Variants in CLSTN3 observed in about 807,000 individuals in gnomAD.
CLSTN3 encodes the protein calsyntenin 3.
A neutral mutation model predicts 95.9 loss-of-function variants in CLSTN3; 36 were observed. The observed-to-expected ratio is 0.38, with a 90% CI of 0.29 to 0.50. CLSTN3 has a LOEUF of 0.50. Among genes scored for constraint, CLSTN3 ranks in the 20% least tolerant of loss-of-function variants. CLSTN3 has a pLI of 0.95. For synonymous variants in CLSTN3, 481 were observed against 504.0 expected, an observed-to-expected ratio of 0.95 and a Z score of 0.61; for missense variants, 1,084 against 1,268.8, an observed-to-expected ratio of 0.85 and a Z score of 2.21.
At position 7,142,858 on chromosome 12, in the gene CLSTN3, T is replaced by G; in HGVS notation, c.1541-11T>G. On this transcript the variant is annotated splice_polypyrimidine_tract_variant and intron_variant, in intron 10 of 17. Coordinates refer to ENST00000266546, the MANE Select transcript of CLSTN3 (RefSeq NM_014718.4). The stretch of plus-strand genomic sequence containing the variant: ...CTCACCTCCCGTCCTGCTCCTGTGT[T>G]CCTACCCTAGGAGACCCTTTGTCGA... 6.2e-7 allele frequency: 1 copy of G among 1,613,848 alleles called. No homozygotes were observed. Among genetic ancestry groups the G allele is most frequent in the Non-Finnish European group, 8.5e-7 (1 of 1,179,850 alleles).
At position 7,141,363 on chromosome 12, in the gene CLSTN3, C is replaced by A; in HGVS notation, c.1445C>A (p.Pro482His). ...LIHDNGLIHPPRREPALMIGA... is the reference protein window; with the variant it reads ...LIHDNGLIHPHRREPALMIGA... ...CATGACAATGGCCTCATCCACCCAC[C>A]CCGAAGGGAGCCTGCTCTCATGATT... The change falls in exon 9 of 18, where the codon CCC becomes CAC. Residue 482 changes from proline to histidine, a missense_variant. Transcript: ENST00000266546. The surrounding 1 kb of genome is among the most constrained non-coding windows in gnomAD (Gnocchi z 4.1). 6.2e-7 allele frequency: 1 copy of A among 1,614,210 alleles called. No individual in the cohort carries two copies. The highest frequency in any genetic ancestry group is 8.5e-7 in the Non-Finnish European group (1 of 1,180,038).
In CLSTN3 at chr12:7,149,198, G is replaced by A; in HGVS notation, c.2074G>A (p.Val692Met). ...AKKDESWQGT[V>M]TDTRMSDEIV... ...AAAGGATGAGAGTTGGCAGGGCACA[G>A]GTAAGGACGACTTCGGGGAGTAACA... Residue 692 changes from valine (V) to methionine (M), a missense_variant and splice_region_variant, in exon 13 of 18, where the codon GTG (valine) becomes ATG (methionine). Coordinates refer to ENST00000266546, the MANE Select transcript of CLSTN3 (RefSeq NM_014718.4). This position sits in a 1 kb window ranked among gnomAD's most constrained non-coding sequence, Gnocchi z 4.5. 1 of 1,613,422 alleles carries A rather than the reference G, an allele frequency of 6.2e-7. No individual in the cohort carries two copies. The highest frequency in any genetic ancestry group is 8.5e-7 in the Non-Finnish European group (1 of 1,179,500).
At position 7,157,607 on chromosome 12, in the gene CLSTN3, G is replaced by T. The variant is rs748717236; in HGVS notation, c.2646G>T (p.Gly882=). The T allele has an allele frequency of 1.2e-6, 2 of 1,611,050 alleles. No homozygotes were observed. The highest frequency in any genetic ancestry group is 2.2e-5 in the East Asian group (1 of 44,786). Residue 882 remains glycine, a synonymous_variant, in exon 17 of 18, where the codon GGG becomes GGT. Transcript: ENST00000266546. This position sits in a 1 kb window ranked among gnomAD's most constrained non-coding sequence, Gnocchi z 5.9. ...ACCGCCGCGTCTCAGGGGCCGGCGG[G>T]CCTCCAGGGGCCTCCAGTGACCCCA... The part of the protein sequence containing the change: ...SLHRRVSGAG[G]PPGASSDPKD...
chr12:7,152,746 T>C (rs1939745266), intron 16 of CLSTN3, among the ~76,000 whole-genome samples: 1 of 152,178 alleles, frequency 6.6e-6, no homozygotes, highest in Admixed American at 6.5e-5. Flanking sequence ...AAACAACCAA[T>C]GAAATGGGTA....
At position 7,135,998 on chromosome 12, in the gene CLSTN3, C is replaced by T. The variant is rs779748497; in HGVS notation, c.742+45C>T. 7.7e-6 allele frequency: 12 copies of T among 1,560,410 alleles called. No homozygotes were observed. The East Asian group carries it at 2.7e-4, about 35-fold the overall frequency. ...CCCCATCTTGTGAATCATCTTTTTTCTTGGTCTCTCTTTCTGTCCTTTCTG... is the reference window on the plus strand; with the variant it reads ...CCCCATCTTGTGAATCATCTTTTTTTTTGGTCTCTCTTTCTGTCCTTTCTG... On this transcript the variant is annotated intron_variant, in intron 5 of 17. Transcript: ENST00000266546.
rs114573567 is a variant in CLSTN3 at position 7,143,276 on chromosome 12, C to T, written c.1812C>T (p.Pro604=). 3.1e-3 allele frequency: 5,008 copies of T among 1,611,992 alleles called. 125 individuals carry two copies. In the African/African-American group the frequency reaches 0.055, roughly 18 times the overall value. ...TGAACACTCTGCGCTTTGCCACGCC[C>T]GGCGTCAGGCCCCTGCGCCTCACCA... ...AYMNTLRFAT[P]GVRPLRLTTA... is the part of the protein sequence containing the mutation. The change falls in exon 12 of 18, where the codon CCC becomes CCT. Residue 604 remains proline, a synonymous_variant. Coordinates refer to ENST00000266546, the MANE Select transcript of CLSTN3 (RefSeq NM_014718.4).
rs1477138082 is a variant in CLSTN3 at position 7,137,781 on chromosome 12, TGTGTGTGTGTGTGTGA to T, written c.1211-172_1211-157del. ...ATGTGTGTGTGTGTGTGTGTGTGTG[TGTGTGTGTGTGTGTGA>T]GAGAGAGAGAGAGAGAGAGAGAGAG... On this transcript the variant is annotated intron_variant, in intron 7 of 17. Transcript: ENST00000266546. This position sits in a 1 kb window ranked among gnomAD's most constrained non-coding sequence, Gnocchi z 4.4. Among the ~76,000 whole-genome samples, 152 of 109,156 alleles carry T rather than the reference TGTGTGTGTGTGTGTGA, an allele frequency of 1.4e-3. 1 individual carries two copies. The highest frequency in any genetic ancestry group is 4.0e-3 in the African/African-American group (135 of 33,346). The allele number at this position is 109,156 out of a possible 152,430, so 71.6% of individuals were successfully genotyped here. A position where few individuals can be genotyped will look rare whatever the true frequency, so the allele number is the denominator to read the frequency against.
chr12:7,147,757 C>G (rs1370202538), intron 12 of CLSTN3, among the ~76,000 whole-genome samples: 1 of 152,042 alleles, frequency 6.6e-6, no homozygotes, highest in Non-Finnish European at 1.5e-5. Context: ...TCAAGGGATC[C>G]TCCCGCCTCA....
At position 7,158,252 on chromosome 12, in the gene CLSTN3, C is replaced by A; in HGVS notation, c.*171C>A. 1.4e-6 allele frequency: 1 copy of A among 711,188 alleles called. No individual in the cohort carries two copies. The highest frequency in any genetic ancestry group is 2.2e-6 in the Non-Finnish European group (1 of 456,684). The allele number at this position is 711,188 out of a possible 1,614,324, so 44.1% of individuals were successfully genotyped here. A position where few individuals can be genotyped will look rare whatever the true frequency, so the allele number is the denominator to read the frequency against. ...CGGGCCCTCTGGAGTCCGCCCTGCC[C>A]CTCCCCCGGCCCCCCATCCCTCACT... is the stretch of plus-strand genomic sequence containing the variant. On this transcript the variant is annotated 3_prime_UTR_variant, in exon 18 of 18. Coordinates refer to ENST00000266546, the MANE Select transcript of CLSTN3 (RefSeq NM_014718.4).
Position 7,149,316 on chromosome 12 carries a change from C to T in CLSTN3, c.2074+118C>T. The T allele has an allele frequency of 3.0e-6, 3 of 1,002,864 alleles. No individual in the cohort carries two copies. In the Middle Eastern group the frequency reaches 6.8e-4, roughly 226 times the overall value. The allele number at this position is 1,002,864 out of a possible 1,614,324, so 62.1% of individuals were successfully genotyped here. A position where few individuals can be genotyped will look rare whatever the true frequency, so the allele number is the denominator to read the frequency against. ...GCGACTCCATCCTGTGTTTGTTTGA[C>T]TGAACAACTTACCTTTAAGAAGGAG... On this transcript the variant is annotated intron_variant, in intron 13 of 17. Transcript: ENST00000266546. The surrounding 1 kb of genome is among the most constrained non-coding windows in gnomAD (Gnocchi z 4.5).
chr12:7,157,815 G>T lies in CLSTN3; in HGVS notation c.2730+124G>T. On this transcript the variant is annotated intron_variant, in intron 17 of 17. Transcript: ENST00000266546. The surrounding 1 kb of genome is among the most constrained non-coding windows in gnomAD (Gnocchi z 5.9). ...GCAGAGCTGCAGTGAGCCGGAGGGA[G>T]AGAGGTTCAGGCAGGGAAGGGGGTA... The T allele has an allele frequency of 6.7e-7, 1 of 1,494,906 alleles. No individual in the cohort carries two copies. Among genetic ancestry groups the T allele is most frequent in the African/African-American group, 1.4e-5 (1 of 72,270 alleles). The allele number at this position is 1,494,906 out of a possible 1,614,324, so 92.6% of individuals were successfully genotyped here.
In CLSTN3 at chr12:7,148,206, AAG is replaced by A. The variant is rs199646806; in HGVS notation, c.1848-764_1848-763del. 3.6e-3 allele frequency among the ~76,000 whole-genome samples: 509 copies of A among 140,958 alleles called. 1 individual carries two copies. Among genetic ancestry groups the A allele is most frequent in the Non-Finnish European group, 5.8e-3 (372 of 63,690 alleles). The allele number at this position is 140,958 out of a possible 152,430, so 92.5% of individuals were successfully genotyped here. ...AAAGAAAGAAAGAAAGAAAGAAAGA[AAG>A]AAAGAAATGTGGGAAAATGCTTCAT... On this transcript the variant is annotated intron_variant, in intron 12 of 17. Coordinates refer to ENST00000266546, the MANE Select transcript of CLSTN3 (RefSeq NM_014718.4).
intron 1 of CLSTN3, 72 bp downstream of exon 1, chr12:7,130,784 G>A: frequency 7.4e-7 from 1 of 1,356,778 alleles, no homozygotes; most frequent in South Asian, 1.2e-5. Flanking sequence ...GGGTGGGAAG[G>A]AGGTGTCGAG....
intron 6 of CLSTN3, 70 bp downstream of exon 6, chr12:7,136,461 A>G: frequency 7.2e-7 from 1 of 1,383,634 alleles, no homozygotes; most frequent in Non-Finnish European, 9.7e-7. Flanking sequence ...CTTTTCCAAG[A>G]CTCTGCTTTA....
chr12:7,155,106 G>A (rs1334243198), intron 16 of CLSTN3, among the ~76,000 whole-genome samples: 1 of 152,176 alleles, frequency 6.6e-6, no homozygotes, highest in South Asian at 2.1e-4. Context: ...GCTTTCCACT[G>A]TCCTCGCAAT....
At chr12:7,154,274 GCA>G (rs1939780352) in intron 16 of CLSTN3, among the ~76,000 whole-genome samples, 1 of 152,194 alleles carries the variant, frequency 6.6e-6, no homozygotes, top group African/African-American at 2.4e-5. Context: ...ACATGCAGAA[GCA>G]GTGAGAGGTA....
At chr12:7,152,250 T>C (rs189395796) in intron 16 of CLSTN3, among the ~76,000 whole-genome samples, 1 of 152,324 alleles carries the variant, frequency 6.6e-6, no homozygotes, top group Admixed American at 6.5e-5. Flanking sequence ...ACAAGTATTT[T>C]CCCACATTAT....
chr12:7,144,839 C>G lies in CLSTN3; in HGVS notation c.1847+1528C>G, dbSNP rs748924146. 4.2e-4 allele frequency among the ~76,000 whole-genome samples: 64 copies of G among 152,252 alleles called. No individual in the cohort carries two copies. The South Asian group carries it at 8.5e-3, about 20-fold the overall frequency. ...TCACAGTTAGAGCTGTGGAAGGCCC[C>G]GGGCTGTGGCTTTTGGGAATTTGCT... On this transcript the variant is annotated intron_variant, in intron 12 of 17. Transcript: ENST00000266546.
At chr12:7,138,692 C>T (rs369830772) in intron 8 of CLSTN3, 3 of 152,070 alleles carry the variant, frequency 2.0e-5, no homozygotes, top group Admixed American at 2.0e-4. Context: ...TTAAAATCCT[C>T]TCTTGAGCCA....
Sources: gnomAD v4.1 joint callset for allele counts (sites outside exome capture counted in the v4.1 genomes callset) on GRCh38, gnomAD v4.1.1 for gene constraint, Gnocchi (gnomAD v3.1) non-coding constraint, MANE v1.5 for transcripts, NCBI Gene and HGNC (gene_info 2026-07-23, HGNC 2026-07-21) for gene names.